LIFR: variants seen among roughly 807,000 people sequenced by gnomAD.
LIFR encodes the protein leukemia inhibitory factor receptor.
In LIFR, 84 loss-of-function variants were observed where a neutral mutation model predicts 122.2. The observed-to-expected ratio is 0.69, with a 90% CI of 0.58 to 0.82. The LOEUF is 0.82. LIFR is among the 40% of genes least tolerant of loss of function. LIFR has a pLI of 0.00. For missense variants in LIFR, 1,294 were observed against 1,311.6 expected (o/e 0.99, Z 0.21); for synonymous variants, 422 against 434.7 (o/e 0.97, Z 0.36).
chr5:38,528,845 A>AGGAGACACAC lies in LIFR; in HGVS notation c.143-15_143-6dup, dbSNP rs1746838261. On this transcript the variant is annotated splice_region_variant and splice_polypyrimidine_tract_variant and intron_variant, in intron 2 of 19. Coordinates refer to ENST00000453190, the MANE Select transcript of LIFR (RefSeq NM_001127671.2). The stretch of plus-strand genomic sequence containing the variant: ...ACTTCAAATCATGAGGAGCCCCTGG[A>AGGAGACACAC]GGAGACACACACACACACACACACA... 7.3e-6 allele frequency: 10 copies of AGGAGACACAC among 1,362,570 alleles called. No individual in the cohort carries two copies. The Admixed American group carries it at 2.1e-4, about 28-fold the overall frequency. 84.4% of individuals were successfully genotyped at this position (1,362,570 alleles called of 1,614,324 possible).
intron 7 of LIFR, among the ~76,000 whole-genome samples, chr5:38,507,725 C>A (rs780893764): frequency 6.6e-6 from 1 of 151,434 alleles, no homozygotes; most frequent in Admixed American, 6.6e-5. Flanking sequence ...GGTAAAAGTT[C>A]TTTTTTAAAA....
intron 6 of LIFR, among the ~76,000 whole-genome samples, chr5:38,511,193 C>T (rs963501688): frequency 1.3e-5 from 2 of 152,134 alleles, no homozygotes; most frequent in African/African-American, 4.8e-5. Context: ...TACTCCACAC[C>T]CTAAAAAACA....
chr5:38,579,843 T>TG (rs762461527), intron 1 of LIFR, among the ~76,000 whole-genome samples: 6 of 152,182 alleles, frequency 3.9e-5, no homozygotes, highest in Non-Finnish European at 7.3e-5. Flanking sequence ...TCCAAAAACC[T>TG]GGGGAATTCT....
At chr5:38,562,485 A>G (rs1476435807) in intron 1 of LIFR, among the ~76,000 whole-genome samples, 1 of 152,222 alleles carries the variant, frequency 6.6e-6, no homozygotes, top group Admixed American at 6.5e-5. Context: ...AGCCCATCGT[A>G]CATCCAGAAT....
chr5:38,580,959 A>G (rs1749561852), intron 1 of LIFR, among the ~76,000 whole-genome samples: 3 of 152,098 alleles, frequency 2.0e-5, no homozygotes, highest in Admixed American at 2.0e-4. Flanking sequence ...ACTGCTTGGG[A>G]TGGAACTCTA....
chr5:38,542,628 C>A (rs1413040664), intron 1 of LIFR, among the ~76,000 whole-genome samples: 1 of 152,124 alleles, frequency 6.6e-6, no homozygotes, highest in Non-Finnish European at 1.5e-5. Flanking sequence ...GAGGCTCTAG[C>A]TTTTTCATGC....
intron 16 of LIFR, among the ~76,000 whole-genome samples, chr5:38,487,429 T>C (rs962993826): frequency 6.6e-6 from 1 of 152,246 alleles, no homozygotes; most frequent in African/African-American, 2.4e-5. Flanking sequence ...TTATTATTCC[T>C]GATTGCTTGC....
At chr5:38,536,776 T>A (rs529776136) in intron 1 of LIFR, among the ~76,000 whole-genome samples, 1 of 152,344 alleles carries the variant, frequency 6.6e-6, no homozygotes, top group East Asian at 1.9e-4. Context: ...AGTTAGAGGA[T>A]AGCTTGGCTG....
In LIFR at chr5:38,476,008, C is replaced by T. The variant is rs1743704869; in HGVS notation, c.*5587G>A. On this transcript the variant is annotated 3_prime_UTR_variant, in exon 20 of 20. Transcript: ENST00000453190. ...AGGAAGGGCATCAATCACATAACAC[C>T]TACCCCTCCACAACAATGAAAGGTT... 5.0e-6 allele frequency: 1 copy of T among 199,310 alleles called. No individual in the cohort carries two copies. Among genetic ancestry groups the T allele is most frequent in the Admixed American group, 6.0e-5 (1 of 16,600 alleles). The allele number at this position is 199,310 out of a possible 1,614,324, so 12.3% of individuals were successfully genotyped here. A position where few individuals can be genotyped will look rare whatever the true frequency, so the allele number is the denominator to read the frequency against.
At position 38,490,171 on chromosome 5, in the gene LIFR, A is replaced by G; in HGVS notation, c.2167+19T>C. 9.2e-7 allele frequency: 1 copy of G among 1,081,364 alleles called. No homozygotes were observed. Among genetic ancestry groups the G allele is most frequent in the South Asian group, 1.4e-5 (1 of 73,448 alleles). The allele number at this position is 1,081,364 out of a possible 1,614,324, so 67.0% of individuals were successfully genotyped here. A position where few individuals can be genotyped will look rare whatever the true frequency, so the allele number is the denominator to read the frequency against. On this transcript the variant is annotated intron_variant, in intron 15 of 19. Coordinates refer to ENST00000453190, the MANE Select transcript of LIFR (RefSeq NM_001127671.2). Reference sequence around the variant, plus strand: ...CATGTTGCCTTGAGCTCTTATAAATAAGTACCCATTTAACTTACCCAATTC... The same window carrying G: ...CATGTTGCCTTGAGCTCTTATAAATGAGTACCCATTTAACTTACCCAATTC...
intron 1 of LIFR, among the ~76,000 whole-genome samples, chr5:38,548,038 C>T (rs1183556904): frequency 2.0e-5 from 3 of 151,966 alleles, no homozygotes; most frequent in Admixed American, 2.0e-4. Flanking sequence ...ACTATAAATG[C>T]TTTATTGCCA....
intron 1 of LIFR, among the ~76,000 whole-genome samples, chr5:38,594,741 C>T (rs568877664): frequency 1.5e-4 from 23 of 152,170 alleles, no homozygotes; most frequent in Non-Finnish European, 2.9e-4. Flanking sequence ...GACAATAAAA[C>T]ACACTAATCT....
At chr5:38,530,929 C>A (rs544020612) in intron 1 of LIFR, 8 of 382,188 alleles carry the variant, frequency 2.1e-5, no homozygotes, top group Non-Finnish European at 3.8e-5. Context: ...TATAAAATTA[C>A]AACAAAATTA....
intron 14 of LIFR, among the ~76,000 whole-genome samples, chr5:38,493,021 A>G (rs897459567): frequency 6.6e-6 from 1 of 152,196 alleles, no homozygotes; most frequent in Non-Finnish European, 1.5e-5. Context: ...GCTCCTGAGC[A>G]TCAGGCTCAT....
At chr5:38,525,057 T>C (rs985353058) in intron 4 of LIFR, among the ~76,000 whole-genome samples, 5 of 152,186 alleles carry the variant, frequency 3.3e-5, no homozygotes, top group African/African-American at 1.2e-4. Context: ...AAAAAATCCA[T>C]GCTCAAAGGT....
intron 1 of LIFR, among the ~76,000 whole-genome samples, chr5:38,583,804 A>G (rs1749664030): frequency 6.6e-6 from 1 of 152,110 alleles, no homozygotes; most frequent in African/African-American, 2.4e-5. Flanking sequence ...TGTGGGAGGG[A>G]TCCAGTGGGA....
rs545324419 is a variant in LIFR at position 38,605,319 on chromosome 5, A to G, written n.305+886T>C. On this transcript the variant is annotated intron_variant and non_coding_transcript_variant, in intron 2 of 3. Coordinates refer to the LIFR transcript ENST00000507786. ...CACCACATAGAGACTAAGAGCAAGC[A>G]CTGTGTTCAATGTACGGACTGGAAT... is the stretch of plus-strand genomic sequence containing the variant. Among the ~76,000 whole-genome samples the G allele has an allele frequency of 1.7e-4, 26 of 152,284 alleles. 1 individual carries two copies. In the South Asian group the frequency reaches 5.0e-3, roughly 29 times the overall value.
chr5:38,560,666 G>C (rs187015553), upstream of LIFR, among the ~76,000 whole-genome samples: 606 of 151,248 alleles, frequency 4.0e-3, 4 homozygotes, highest in African/African-American at 0.014. Flanking sequence ...GTGCAATCTC[G>C]GCTCACTGCA....
At chr5:38,571,427 T>C (rs1421838933) in intron 1 of LIFR, among the ~76,000 whole-genome samples, 1 of 148,462 alleles carries the variant, frequency 6.7e-6, no homozygotes, top group Non-Finnish European at 1.5e-5. Flanking sequence ...TCGTGGTGGG[T>C]GTCTGTAGTC....
Sources: allele counts gnomAD v4.1 joint callset (sites outside exome capture counted in the v4.1 genomes callset), GRCh38; gene constraint gnomAD v4.1.1; transcripts MANE v1.5; gene names NCBI Gene and HGNC (gene_info 2026-07-23, HGNC 2026-07-21).